Variants in RAB27A observed in about 807,000 individuals in gnomAD.
RAB27A encodes the protein ras-related protein Rab-27A.
A neutral mutation model predicts 20.8 loss-of-function variants in RAB27A; 17 were observed. The ratio of observed to expected loss-of-function variants is 0.82; its 90% CI spans 0.56 to 1.23. RAB27A has a LOEUF of 1.23. Ranked by LOEUF, RAB27A falls within the 50% of genes most tolerant of loss-of-function variation. The pLI is 0.00. For missense variants in RAB27A, 277 were observed against 266.7 expected (o/e 1.04, Z -0.27); for synonymous variants, 85 against 92.8 (o/e 0.92, Z 0.48).
chr15:55,279,741 A>G (rs753732865), intron 1 of RAB27A, among the ~76,000 whole-genome samples: 10 of 152,232 alleles, frequency 6.6e-5, no homozygotes, highest in Admixed American at 1.3e-4. Context: ...ATTCTAATGA[A>G]GACTTACAAC....
chr15:55,241,434 T>C (rs574731629), intron 2 of RAB27A, among the ~76,000 whole-genome samples: 91 of 151,882 alleles, frequency 6.0e-4, no homozygotes, highest in African/African-American at 2.1e-3. Context: ...TTCCTCAACA[T>C]GTACTATGTG....
intron 3 of RAB27A, among the ~76,000 whole-genome samples, chr15:55,231,022 T>C (rs1190398711): frequency 2.6e-5 from 4 of 152,200 alleles, no homozygotes; most frequent in African/African-American, 4.8e-5. Flanking sequence ...TTTATGTCCA[T>C]GCGTACCCAT....
intron 2 of RAB27A, among the ~76,000 whole-genome samples, chr15:55,302,929 T>A (rs1441156803): frequency 3.0e-4 from 41 of 137,884 alleles, no homozygotes; most frequent in South Asian, 4.8e-4. Context: ...AGCCACCCCA[T>A]CTGGGAAGTG....
intron 2 of RAB27A, among the ~76,000 whole-genome samples, chr15:55,252,300 C>G (rs749738432): frequency 1.5e-4 from 23 of 152,036 alleles, no homozygotes; most frequent in Admixed American, 2.6e-4. Context: ...TCGGAATTTA[C>G]CACTATATTA....
chr15:55,300,299 A>C (rs935439585), intron 2 of RAB27A, among the ~76,000 whole-genome samples: 1 of 152,136 alleles, frequency 6.6e-6, no homozygotes, highest in Non-Finnish European at 1.5e-5. Context: ...CATGGGAAGC[A>C]AGTCGGGAGT....
At chr15:55,267,531 G>T (rs531572672) in intron 2 of RAB27A, among the ~76,000 whole-genome samples, 2 of 152,280 alleles carry the variant, frequency 1.3e-5, no homozygotes, top group African/African-American at 2.4e-5. Context: ...CACCAGAAGC[G>T]CAAAAGAAAA....
Position 55,234,942 on chromosome 15 carries a change from A to T in RAB27A, c.-8T>A. Reference sequence around the variant, plus strand: ...ATAATCTCCATCAGACATAATGAAGAACTCAGTAGTTCACCTGTAAAATAC... The same window carrying T: ...ATAATCTCCATCAGACATAATGAAGTACTCAGTAGTTCACCTGTAAAATAC... On this transcript the variant is annotated 5_prime_UTR_variant, in exon 3 of 7. Transcript: ENST00000336787. 6.2e-7 allele frequency: 1 copy of T among 1,609,912 alleles called. No homozygotes were observed. Among genetic ancestry groups the T allele is most frequent in the South Asian group, 1.1e-5 (1 of 90,890 alleles).
intron 2 of RAB27A, among the ~76,000 whole-genome samples, chr15:55,311,933 C>T (rs1387370756): frequency 3.9e-5 from 6 of 152,138 alleles, no homozygotes; most frequent in East Asian, 3.9e-4. Flanking sequence ...GCTTCCAAGA[C>T]GGTGGCAAGC....
chr15:55,210,213 A>ATC (rs1566897264), intron 6 of RAB27A, among the ~76,000 whole-genome samples: 1 of 142,794 alleles, frequency 7.0e-6, no homozygotes, highest in South Asian at 2.3e-4. Flanking sequence ...ACACACATGT[A>ATC]TGTGTATGTA....
intron 2 of RAB27A, among the ~76,000 whole-genome samples, chr15:55,306,716 G>A (rs996934536): frequency 2.0e-5 from 3 of 152,170 alleles, no homozygotes; most frequent in African/African-American, 7.2e-5. Context: ...GTTTCCCTTA[G>A]ATAAACTCCT....
chr15:55,249,587 A>C (rs1896813719), intron 2 of RAB27A, among the ~76,000 whole-genome samples: 1 of 152,146 alleles, frequency 6.6e-6, no homozygotes, highest in Non-Finnish European at 1.5e-5. Flanking sequence ...GGGCTGAATT[A>C]AGTTTTATAA....
intron 2 of RAB27A, among the ~76,000 whole-genome samples, chr15:55,302,957 G>GC (rs2054979599): frequency 8.0e-6 from 1 of 124,792 alleles, no homozygotes; most frequent in South Asian, 2.5e-4. Flanking sequence ...TCTCCGCCCG[G>GC]CAGCCACCCC....
chr15:55,304,668 T>C (rs2141143992), intron 2 of RAB27A, among the ~76,000 whole-genome samples: 1 of 152,312 alleles, frequency 6.6e-6, no homozygotes, highest in South Asian at 2.1e-4. Context: ...ATTTTTTCCA[T>C]GTTATAGCAC....
intron 6 of RAB27A, among the ~76,000 whole-genome samples, chr15:55,212,084 G>T (rs568146029): frequency 6.7e-6 from 1 of 150,230 alleles, no homozygotes; most frequent in South Asian, 2.1e-4. Flanking sequence ...ATTTAAGATT[G>T]AAGGAAAAAA....
At chr15:55,309,490 G>T (rs958183194) in intron 2 of RAB27A, among the ~76,000 whole-genome samples, 1 of 152,196 alleles carries the variant, frequency 6.6e-6, no homozygotes, top group African/African-American at 2.4e-5. Flanking sequence ...GAGTGTCCAG[G>T]TATGAGAACT....
At chr15:55,314,778 T>C (rs1004930931) in intron 1 of RAB27A, among the ~76,000 whole-genome samples, 1 of 152,084 alleles carries the variant, frequency 6.6e-6, no homozygotes, top group African/African-American at 2.4e-5. Flanking sequence ...CACAAACAAA[T>C]GGAAAAACAT....
At chr15:55,269,484 T>A (rs1253951788) in intron 2 of RAB27A, among the ~76,000 whole-genome samples, 1 of 152,166 alleles carries the variant, frequency 6.6e-6, no homozygotes, top group Non-Finnish European at 1.5e-5. Flanking sequence ...CGGTGGCTCA[T>A]GCCTGTAATC....
intron 4 of RAB27A, among the ~76,000 whole-genome samples, chr15:55,229,894 T>C (rs1172811567): frequency 6.6e-6 from 1 of 152,312 alleles, no homozygotes; most frequent in Non-Finnish European, 1.5e-5. Context: ...TGAATATCCT[T>C]GAAGTTTTCC....
intron 2 of RAB27A, among the ~76,000 whole-genome samples, chr15:55,240,798 T>C (rs1566914766): frequency 6.6e-6 from 1 of 152,206 alleles, no homozygotes; most frequent in African/African-American, 2.4e-5. Context: ...AAAATTGGGG[T>C]GCATCTTACA....
Sources: gnomAD v4.1 joint callset for allele counts (sites outside exome capture counted in the v4.1 genomes callset) on GRCh38, gnomAD v4.1.1 for gene constraint, MANE v1.5 for transcripts, NCBI Gene and HGNC (gene_info 2026-07-23, HGNC 2026-07-21) for gene names.